The following GALNTL6 variants were observed in gnomAD, a reference collection of about 807,000 sequenced individuals.
GALNTL6 encodes polypeptide N-acetylgalactosaminyltransferase like 6, also known as polypeptide N-acetylgalactosaminyltransferase-like 6.
GALNTL6 carries 46 observed loss-of-function variants against 73.7 expected under a neutral mutation model. The observed-to-expected ratio is 0.62, with a 90% confidence interval of 0.49 to 0.80. The LOEUF is 0.80. GALNTL6 is among the 30% of genes least tolerant of loss of function. The pLI, the probability that GALNTL6 is intolerant of heterozygous loss-of-function variation, is 0.00. For missense variants in GALNTL6, 604 were observed against 755.0 expected (o/e 0.80, Z 2.34); for synonymous variants, 259 against 263.7 (o/e 0.98, Z 0.17).
At chr4:172,330,326 G>C (rs1268725773) in intron 4 of GALNTL6, among the ~76,000 whole-genome samples, 1 of 152,164 alleles carries the variant, frequency 6.6e-6, no homozygotes, top group Non-Finnish European at 1.5e-5. Context: ...CTGACCCATG[G>C]TTTGCAAAGA....
intron 2 of GALNTL6, among the ~76,000 whole-genome samples, chr4:172,130,439 T>C (rs1432142167): frequency 1.3e-5 from 2 of 151,948 alleles, no homozygotes; most frequent in African/African-American, 2.4e-5. Flanking sequence ...ATCTATAAAA[T>C]TGATCACTGA....
chr4:172,329,235 C>T (rs1741043913), intron 4 of GALNTL6, among the ~76,000 whole-genome samples: 1 of 152,038 alleles, frequency 6.6e-6, no homozygotes, highest in Non-Finnish European at 1.5e-5. Flanking sequence ...GCAACCTGTT[C>T]CTCTTACTGG....
chr4:172,618,651 TA>T (rs1738836650), intron 5 of GALNTL6, among the ~76,000 whole-genome samples: 1 of 152,184 alleles, frequency 6.6e-6, no homozygotes, highest in Non-Finnish European at 1.5e-5. Context: ...ATTGTTTTTT[TA>T]AAAAATTCTG....
At chr4:173,037,168 C>T (rs1753730705) in intron 12 of GALNTL6, among the ~76,000 whole-genome samples, 1 of 152,212 alleles carries the variant, frequency 6.6e-6, no homozygotes, top group Non-Finnish European at 1.5e-5. Flanking sequence ...GTGAGCAGAG[C>T]TCTGTCTCCA....
Position 172,348,530 on chromosome 4 carries a change from C to A in GALNTL6, c.394C>A (p.His132Asn), listed in dbSNP as rs143545755. 24 of 1,611,192 alleles carry A rather than the reference C, an allele frequency of 1.5e-5. No individual in the cohort carries two copies. The highest frequency in any genetic ancestry group is 2.0e-5 in the Non-Finnish European group (24 of 1,178,226). ...LPDIRHANCK[H>N]KMYLERLPNT... Reference sequence around the variant, plus strand: ...CTTTTCCCTCATCTCCAGCTGTAAGCATAAGATGTATCTGGAAAGGCTGCC... The same window carrying A: ...CTTTTCCCTCATCTCCAGCTGTAAGAATAAGATGTATCTGGAAAGGCTGCC... Residue 132 changes from histidine (H) to asparagine (N), a missense_variant, in exon 5 of 13, where the codon CAT becomes AAT. Around this residue, in one of 5 missense-constraint regions of GALNTL6, gnomAD observed 141 missense variants for 156.6 expected, o/e 0.90. Coordinates refer to ENST00000506823, the MANE Select transcript of GALNTL6 (RefSeq NM_001034845.3).
chr4:172,069,536 T>TGTTATATATATTA (rs1553989761), intron 2 of GALNTL6, among the ~76,000 whole-genome samples: 1 of 18,904 alleles, frequency 5.3e-5, no homozygotes, highest in African/African-American at 1.0e-4. Context: ...AACACATATA[T>TGTTATATATATTA]TATATATAAC....
At chr4:172,854,138 C>G (rs1203609929) in intron 7 of GALNTL6, among the ~76,000 whole-genome samples, 3 of 152,110 alleles carry the variant, frequency 2.0e-5, no homozygotes, top group Admixed American at 6.6e-5. Context: ...TCTCCTTTTC[C>G]TCATTGCATT....
chr4:172,703,887 G>T (rs905650367), intron 5 of GALNTL6, among the ~76,000 whole-genome samples: 1 of 151,818 alleles, frequency 6.6e-6, no homozygotes, highest in Admixed American at 6.6e-5. Flanking sequence ...TTATTGGTCT[G>T]TTTAGTTGTT....
At chr4:172,578,287 C>T (rs1737038620) in intron 5 of GALNTL6, among the ~76,000 whole-genome samples, 2 of 152,168 alleles carry the variant, frequency 1.3e-5, no homozygotes, top group African/African-American at 4.8e-5. Context: ...TGAGTCTTTT[C>T]ACCACACTGT....
chr4:172,313,479 C>G (rs893613342), intron 4 of GALNTL6, among the ~76,000 whole-genome samples: 1 of 152,078 alleles, frequency 6.6e-6, no homozygotes, highest in Non-Finnish European at 1.5e-5. Flanking sequence ...GAAATAATGA[C>G]AAGTTTAGAA....
chr4:172,616,286 T>G (rs2111060414), intron 5 of GALNTL6, among the ~76,000 whole-genome samples: 1 of 152,264 alleles, frequency 6.6e-6, no homozygotes. Context: ...TGTAACCAAA[T>G]AGCAGTTGTT....
rs186922025 is a variant in GALNTL6 at position 172,300,319 on chromosome 4, T to C, written c.248-11295T>C. 1.8e-3 allele frequency among the ~76,000 whole-genome samples: 267 copies of C among 152,308 alleles called. 4 individuals carry two copies. The highest frequency in any genetic ancestry group is 7.7e-4 in the East Asian group (4 of 5,168). ...AGCACACTGATGAGTCTTGACTCTT[T>C]ATCAAATTTACCAGTCTGTGTCTTT... On this transcript the variant is annotated intron_variant, in intron 3 of 12. Transcript: ENST00000506823.
chr4:171,824,248 C>T (rs1734768500), intron 2 of GALNTL6, among the ~76,000 whole-genome samples: 2 of 151,606 alleles, frequency 1.3e-5, no homozygotes, highest in Non-Finnish European at 2.9e-5. Context: ...TCGGAAATAT[C>T]CTAGGTCATT....
chr4:172,675,704 G>A (rs907023623), intron 5 of GALNTL6, among the ~76,000 whole-genome samples: 1 of 152,190 alleles, frequency 6.6e-6, no homozygotes, highest in Non-Finnish European at 1.5e-5. Context: ...AAATGGCAAA[G>A]GCCCCAATTA....
chr4:172,369,391 C>T (rs892911765), intron 5 of GALNTL6, among the ~76,000 whole-genome samples: 7 of 152,224 alleles, frequency 4.6e-5, no homozygotes, highest in African/African-American at 1.7e-4. Flanking sequence ...AAAGTCTCCA[C>T]CCAACTCAGG....
At chr4:172,491,122 A>G (rs1005194882) in intron 5 of GALNTL6, among the ~76,000 whole-genome samples, 2 of 152,178 alleles carry the variant, frequency 1.3e-5, no homozygotes, top group South Asian at 2.1e-4. Flanking sequence ...ATTAGCATGG[A>G]CAAATTCTAA....
At chr4:172,794,616 C>A (rs1740167794) in intron 5 of GALNTL6, among the ~76,000 whole-genome samples, 1 of 152,186 alleles carries the variant, frequency 6.6e-6, no homozygotes, top group Admixed American at 6.5e-5. Context: ...GCTTTCACCA[C>A]TTCAGACTTT....
intron 2 of GALNTL6, among the ~76,000 whole-genome samples, chr4:171,969,146 C>G (rs1739486900): frequency 6.6e-6 from 1 of 152,080 alleles, no homozygotes; most frequent in African/African-American, 2.4e-5. Flanking sequence ...ATCCCTTGTT[C>G]TTAAATACTC....
rs148754788 is a variant in GALNTL6, at chr4:172,098,229, A to G, written c.139-131427A>G. ...TATATATATAGGATATCTATAGGAT[A>G]TGTATCTATCATCTATCTAATAAGA... On this transcript the variant is annotated intron_variant, in intron 2 of 12. Transcript: ENST00000506823. 3.6e-3 allele frequency among the ~76,000 whole-genome samples: 554 copies of G among 152,234 alleles called. 1 individual carries two copies. The highest frequency in any genetic ancestry group is 0.01 in the South Asian group (50 of 4,826).
Sources: allele counts gnomAD v4.1 joint callset (sites outside exome capture counted in the v4.1 genomes callset), GRCh38; gene constraint gnomAD v4.1.1; regional missense constraint gnomAD v4.1.1; transcripts MANE v1.5; gene names NCBI Gene and HGNC (gene_info 2026-07-23, HGNC 2026-07-21).